The following NRXN1 variants were observed in gnomAD, a reference collection of about 807,000 sequenced individuals.
The protein encoded by NRXN1 is neurexin-1.
Under a neutral mutation model 150.9 loss-of-function variants are expected in NRXN1, and 39 were observed. The observed-to-expected ratio is 0.26, with a 90% CI of 0.20 to 0.34. The LOEUF (loss-of-function observed/expected upper bound fraction) is 0.34, where lower values mean the gene tolerates loss of function less well. Among genes scored for constraint, NRXN1 ranks in the 10% least tolerant of loss-of-function variants. NRXN1 has a pLI of 1.00. For synonymous variants in NRXN1, 924 were observed against 757.0 expected (o/e 1.22, Z -3.62); for missense variants, 1,815 against 1,949.9 (o/e 0.93, Z 1.30).
intron 2 of NRXN1, among the ~76,000 whole-genome samples, chr2:51,014,599 A>T (rs1450365920): frequency 6.6e-6 from 1 of 152,018 alleles, no homozygotes; most frequent in Non-Finnish European, 1.5e-5. Flanking sequence ...GGTGTGGAGG[A>T]TATACAGTTA....
intron 8 of NRXN1, among the ~76,000 whole-genome samples, chr2:50,570,417 T>TTAA (rs1407080888): frequency 6.6e-6 from 1 of 152,204 alleles, no homozygotes; most frequent in Admixed American, 6.5e-5. Flanking sequence ...TCATTTAGAA[T>TTAA]TAATTTCTTA....
chr2:50,486,825 C>A (rs778664312), intron 15 of NRXN1, among the ~76,000 whole-genome samples: 2 of 152,102 alleles, frequency 1.3e-5, no homozygotes, highest in African/African-American at 4.8e-5. Context: ...ATTGCCAACA[C>A]CTGTCAGATC....
intron 5 of NRXN1, among the ~76,000 whole-genome samples, chr2:50,817,103 T>A (rs1254836534): frequency 6.6e-6 from 1 of 152,060 alleles, no homozygotes; most frequent in African/African-American, 2.4e-5. Context: ...ATTTAGTTTC[T>A]ACCAATGACA....
At position 50,666,146 on chromosome 2, in the gene NRXN1, T is replaced by A. The variant is rs184296437; in HGVS notation, c.833-42531A>T. On this transcript the variant is annotated intron_variant, in intron 5 of 22. Coordinates refer to ENST00000401669, the MANE Select transcript of NRXN1 (RefSeq NM_001330078.2). ...ATTTCTAGAATTTAAGTAATTGAGA[T>A]AATAAAGTAAGTAGACTTTTTTGCC... 4.5e-3 allele frequency among the ~76,000 whole-genome samples: 690 copies of A among 152,110 alleles called. 2 individuals carry two copies. The highest frequency in any genetic ancestry group is 8.8e-3 in the Non-Finnish European group (596 of 67,912).
At chr2:50,972,221 A>T (rs1020136164) in intron 2 of NRXN1, among the ~76,000 whole-genome samples, 1 of 151,996 alleles carries the variant, frequency 6.6e-6, no homozygotes, top group African/African-American at 2.4e-5. Flanking sequence ...GTTCATACTT[A>T]AAAAAAACTC....
At chr2:50,253,824 T>C (rs910018304) in intron 17 of NRXN1, among the ~76,000 whole-genome samples, 10 of 152,228 alleles carry the variant, frequency 6.6e-5, no homozygotes, top group South Asian at 4.2e-4. Context: ...CAGTATTTTA[T>C]TGAGGATTTT....
chr2:50,725,245 A>T (rs1697194309), intron 5 of NRXN1, among the ~76,000 whole-genome samples: 1 of 152,118 alleles, frequency 6.6e-6, no homozygotes, highest in Non-Finnish European at 1.5e-5. Flanking sequence ...GGTTGGTATT[A>T]TCAAAAATAA....
chr2:50,522,898 G>GTTT lies in NRXN1; in HGVS notation c.2374+5724_2374+5726dup, dbSNP rs3052535. On this transcript the variant is annotated intron_variant, in intron 12 of 22. Transcript: ENST00000401669. Reference sequence around the variant, plus strand: ...AGGCACCTGCCACTATGCCCTGCTAGTTTTTTTGTATTTTTAGTAGAGACG... The same window carrying GTTT: ...AGGCACCTGCCACTATGCCCTGCTAGTTTTTTTTTTGTATTTTTAGTAGAGACG... Among the ~76,000 whole-genome samples the GTTT allele has an allele frequency of 6.4e-3, 960 of 150,252 alleles. 11 individuals carry two copies. The highest frequency in any genetic ancestry group is 0.022 in the African/African-American group (884 of 40,854).
intron 5 of NRXN1, among the ~76,000 whole-genome samples, chr2:50,838,300 T>C (rs1337343521): frequency 6.6e-6 from 1 of 152,088 alleles, no homozygotes; most frequent in Non-Finnish European, 1.5e-5. Context: ...TCATTGCGTG[T>C]GGATGAAAGA....
intron 17 of NRXN1, among the ~76,000 whole-genome samples, chr2:50,272,407 A>G (rs745462781): frequency 3.9e-5 from 6 of 152,216 alleles, no homozygotes; most frequent in Non-Finnish European, 8.8e-5. Context: ...TTAGCATTCA[A>G]TAAAACTTGA....
intron 21 of NRXN1, among the ~76,000 whole-genome samples, chr2:49,954,304 A>C (rs1573025811): frequency 6.9e-6 from 1 of 144,256 alleles, no homozygotes; most frequent in African/African-American, 2.6e-5. Context: ...TCTCACTGGT[A>C]ACTTACAAGG....
chr2:50,081,867 G>A (rs1408882972), intron 19 of NRXN1, among the ~76,000 whole-genome samples: 1 of 152,088 alleles, frequency 6.6e-6, no homozygotes, highest in Non-Finnish European at 1.5e-5. Context: ...TTGTCATTGA[G>A]TTGGGAATGT....
At chr2:50,429,614 A>G (rs1012012945) in intron 17 of NRXN1, among the ~76,000 whole-genome samples, 3 of 152,196 alleles carry the variant, frequency 2.0e-5, no homozygotes, top group Non-Finnish European at 4.4e-5. Flanking sequence ...AGAGAAATAG[A>G]TCAAGAGTAA....
At chr2:50,529,019 G>A (rs563144047) in intron 11 of NRXN1, 2 of 208,474 alleles carry the variant, frequency 9.6e-6, no homozygotes, top group African/African-American at 4.7e-5. Flanking sequence ...TCACAATGGG[G>A]TACAGTGCAG....
intron 18 of NRXN1, among the ~76,000 whole-genome samples, chr2:50,142,244 G>A (rs1238985398): frequency 6.6e-6 from 1 of 152,036 alleles, no homozygotes; most frequent in Non-Finnish European, 1.5e-5. Flanking sequence ...ATATGTGGGA[G>A]CTAAAAAAGT....
Position 50,260,570 on chromosome 2 carries a change from CT to C in NRXN1, c.3365-23601del, listed in dbSNP as rs778404142. 5.5e-5 allele frequency among the ~76,000 whole-genome samples: 8 copies of C among 146,508 alleles called. No homozygotes were observed. In the South Asian group the frequency reaches 1.8e-3, roughly 32 times the overall value. The stretch of plus-strand genomic sequence containing the variant: ...AAGAACCATAATTCCTATTCAATCA[CT>C]TTTTTTAATGCAAAGCAAACACCGA... On this transcript the variant is annotated intron_variant, in intron 17 of 22. Coordinates refer to ENST00000401669, the MANE Select transcript of NRXN1 (RefSeq NM_001330078.2).
chr2:50,205,676 A>C (rs1297778714), intron 18 of NRXN1, among the ~76,000 whole-genome samples: 1 of 152,124 alleles, frequency 6.6e-6, no homozygotes, highest in African/African-American at 2.4e-5. Context: ...AGCATTACTC[A>C]TGATTACCAA....
intron 5 of NRXN1, among the ~76,000 whole-genome samples, chr2:50,801,546 T>A (rs1408442916): frequency 1.3e-5 from 2 of 152,114 alleles, no homozygotes; most frequent in African/African-American, 2.4e-5. Flanking sequence ...TGCTTCCACA[T>A]TATACCTATG....
chr2:50,162,308 A>G (rs1196215916), intron 18 of NRXN1, among the ~76,000 whole-genome samples: 2 of 152,178 alleles, frequency 1.3e-5, no homozygotes, highest in Non-Finnish European at 2.9e-5. Context: ...AACTCAAACT[A>G]GGAAAATGAA....
Sources: gnomAD v4.1 joint callset for allele counts (sites outside exome capture counted in the v4.1 genomes callset) on GRCh38, gnomAD v4.1.1 for gene constraint, MANE v1.5 for transcripts, NCBI Gene and HGNC (gene_info 2026-07-23, HGNC 2026-07-21) for gene names.